The following MDM2 variants were observed in gnomAD, a reference collection of about 807,000 sequenced individuals.
MDM2 encodes E3 ubiquitin-protein ligase Mdm2.
A neutral mutation model predicts 64.3 loss-of-function variants in MDM2; 11 were observed. That is an observed-to-expected ratio of 0.17 (90% CI 0.11 to 0.28). MDM2 has a LOEUF of 0.28. Ranked by LOEUF, MDM2 falls within the 10% of genes least tolerant of loss-of-function variation. The pLI, the probability that MDM2 is intolerant of heterozygous loss-of-function variation, is 1.00. For synonymous variants in MDM2, 194 were observed against 192.9 expected (o/e 1.01, Z -0.05); for missense variants, 388 against 577.1 (o/e 0.67, Z 3.36).
Position 68,844,338 on chromosome 12 carries a change from T to C in MDM2, c.*4489T>C, listed in dbSNP as rs1212047195. The C allele has an allele frequency of 4.5e-6, 1 of 223,770 alleles. No homozygotes were observed. Among genetic ancestry groups the C allele is most frequent in the Non-Finnish European group, 8.9e-6 (1 of 112,192 alleles). 13.9% of individuals were successfully genotyped at this position (223,770 alleles called of 1,614,324 possible). A position where few individuals can be genotyped will look rare whatever the true frequency, so the allele number is the denominator to read the frequency against. ...CCCACTTTAGAAATACAAATATCAC[T>C]GGGCAGCTTGAAGCAGTTGGGAGCC... is the stretch of plus-strand genomic sequence containing the variant. On this transcript the variant is annotated 3_prime_UTR_variant, in exon 11 of 11. Coordinates refer to ENST00000258149, the MANE Select transcript of MDM2 (RefSeq NM_002392.6).
chr12:68,821,883 G>A (rs560630571), intron 5 of MDM2, among the ~76,000 whole-genome samples: 13 of 152,040 alleles, frequency 8.6e-5, no homozygotes, highest in Middle Eastern at 6.8e-3. Context: ...TTTGAGATGG[G>A]CTCTCACTCT....
intron 3 of MDM2, among the ~76,000 whole-genome samples, chr12:68,815,253 C>T (rs1367902358): frequency 1.3e-5 from 2 of 152,034 alleles, no homozygotes; most frequent in African/African-American, 2.4e-5. Context: ...TGGCCAAGGC[C>T]ATCATAAAGA....
At chr12:68,827,897 G>C (rs948628246) in intron 7 of MDM2, among the ~76,000 whole-genome samples, 5 of 152,218 alleles carry the variant, frequency 3.3e-5, no homozygotes, top group African/African-American at 1.2e-4. Flanking sequence ...TTGGGAGGCT[G>C]AGGCAGGAGG....
rs1880635622 is a variant in MDM2, at chr12:68,809,197, T to C, written c.15-11T>C. 18 of 1,610,214 alleles carry C rather than the reference T, an allele frequency of 1.1e-5. No homozygotes were observed. Among genetic ancestry groups the C allele is most frequent in the Non-Finnish European group, 1.4e-5 (17 of 1,178,722 alleles). On this transcript the variant is annotated splice_polypyrimidine_tract_variant and intron_variant, in intron 1 of 10. Transcript: ENST00000258149. The stretch of plus-strand genomic sequence containing the variant: ...TTTCCAGTTTTCATCGTGTCTTTTT[T>C]TTCCTTGTAGGCAAATGTGCAATAC...
In MDM2 at chr12:68,824,569, G is replaced by A; in HGVS notation, c.441G>A (p.Glu147=). The change falls in exon 7 of 11, where the codon GAG becomes GAA. Residue 147 remains glutamate (E), a synonymous_variant. Transcript: ENST00000258149. ...TAAATGCTTAGGACCTTGTACAAGA[G>A]CTTCAGGAAGAGAAACCTTCATCTT... is the stretch of plus-strand genomic sequence containing the variant. ...GGSDQKDLVQ[E]LQEEKPSSSH... is the part of the protein sequence containing the mutation. 1 of 1,613,398 alleles carries A rather than the reference G, an allele frequency of 6.2e-7. No individual in the cohort carries two copies. Among genetic ancestry groups the A allele is most frequent in the Non-Finnish European group, 8.5e-7 (1 of 1,179,800 alleles).
chr12:68,824,072 C>A, intron 5 of MDM2: 1 of 324,028 alleles, frequency 3.1e-6, no homozygotes, highest in Non-Finnish European at 5.6e-6. Context: ...CTTTGTTTCT[C>A]AGACACTCCC....
In MDM2 at chr12:68,842,144, T is replaced by G. The variant is rs1284378826; in HGVS notation, c.*2295T>G. On this transcript the variant is annotated 3_prime_UTR_variant, in exon 11 of 11. Coordinates refer to ENST00000258149, the MANE Select transcript of MDM2 (RefSeq NM_002392.6). ...AATTTGAAAAATATAGTAACAAGCC[T>G]GTCAAATATCTGCAAGAACTATGGA... 4 of 461,994 alleles carry G rather than the reference T, an allele frequency of 8.7e-6. No homozygotes were observed. The highest frequency in any genetic ancestry group is 1.7e-5 in the Non-Finnish European group (4 of 237,872). 28.6% of individuals were successfully genotyped at this position (461,994 alleles called of 1,614,324 possible). A position where few individuals can be genotyped will look rare whatever the true frequency, so the allele number is the denominator to read the frequency against.
intron 10 of MDM2, among the ~76,000 whole-genome samples, chr12:68,838,972 TAGTG>T (rs769663056): frequency 3.9e-5 from 6 of 152,174 alleles, no homozygotes; most frequent in Non-Finnish European, 7.3e-5. Flanking sequence ...CACATGTAAA[TAGTG>T]AAATGATCAC....
downstream of MDM2, chr12:68,847,232 CCTG>C (rs1884381687): frequency 1.4e-5 from 1 of 72,334 alleles, no homozygotes; most frequent in Non-Finnish European, 2.9e-5. Flanking sequence ...GAGGCAGAGT[CCTG>C]CTATGTTGCC....
Position 68,809,238 on chromosome 12 carries a change from T to C in MDM2, c.45T>C (p.Pro15=), listed in dbSNP as rs1880641896. ...RQMCNTNMSV[P]TDGAVTTSQI... is the part of the protein sequence containing the mutation. Reference sequence around the variant, plus strand: ...TGTGCAATACCAACATGTCTGTACCTACTGATGGTGCTGTAACCACCTCAC... The same window carrying C: ...TGTGCAATACCAACATGTCTGTACCCACTGATGGTGCTGTAACCACCTCAC... Residue 15 remains proline, a synonymous_variant, in exon 2 of 11, where the codon CCT becomes CCC. Transcript: ENST00000258149. 1.7e-5 allele frequency: 28 copies of C among 1,614,108 alleles called. No homozygotes were observed. Among genetic ancestry groups the C allele is most frequent in the Non-Finnish European group, 2.4e-5 (28 of 1,180,046 alleles).
Position 68,842,035 on chromosome 12 carries a change from T to C in MDM2, c.*2186T>C. The C allele has an allele frequency of 2.5e-6, 1 of 407,104 alleles. No homozygotes were observed. Among genetic ancestry groups the C allele is most frequent in the Non-Finnish European group, 4.7e-6 (1 of 212,082 alleles). The allele number at this position is 407,104 out of a possible 1,614,324, so 25.2% of individuals were successfully genotyped here. On this transcript the variant is annotated 3_prime_UTR_variant, in exon 11 of 11. Coordinates refer to ENST00000258149, the MANE Select transcript of MDM2 (RefSeq NM_002392.6). ...ATAAACATAAATGTCACAAAAACTT[T>C]AAAAGAAGTGCAATTCTCAAAAGGT... is the stretch of plus-strand genomic sequence containing the variant.
In MDM2 at chr12:68,845,454, CTT is replaced by C. The variant is rs1433840420; in HGVS notation, c.*5606_*5607del. On this transcript the variant is annotated 3_prime_UTR_variant, in exon 11 of 11. Coordinates refer to ENST00000258149, the MANE Select transcript of MDM2 (RefSeq NM_002392.6). ...AGCAGATGGGAGGCGTGTTCAGTAACTTATTCATAATGCATCTGAAATGATTG... is the reference window on the plus strand; with the variant it reads ...AGCAGATGGGAGGCGTGTTCAGTAACATTCATAATGCATCTGAAATGATTG... 2 of 207,722 alleles carry C rather than the reference CTT, an allele frequency of 9.6e-6. No homozygotes were observed. The highest frequency in any genetic ancestry group is 1.2e-4 in the Admixed American group (2 of 16,824). The allele number at this position is 207,722 out of a possible 1,614,324, so 12.9% of individuals were successfully genotyped here. A position where few individuals can be genotyped will look rare whatever the true frequency, so the allele number is the denominator to read the frequency against.
chr12:68,824,133 A>G (rs1477507632), intron 5 of MDM2: 2 of 395,176 alleles, frequency 5.1e-6, no homozygotes, highest in African/African-American at 4.7e-5. Flanking sequence ...TTTATCTAAC[A>G]GTCTTTTAAT....
chr12:68,826,097 G>C (rs1193199144), intron 7 of MDM2, among the ~76,000 whole-genome samples: 3 of 152,146 alleles, frequency 2.0e-5, no homozygotes, highest in Non-Finnish European at 4.4e-5. Context: ...AAAAAGGGCA[G>C]ACAGTTCACA....
intron 8 of MDM2, among the ~76,000 whole-genome samples, chr12:68,833,334 AAT>A (rs1292389255): frequency 9.1e-5 from 5 of 54,646 alleles, no homozygotes; most frequent in Non-Finnish European, 1.8e-4. Flanking sequence ...TAAATATAAA[AAT>A]ATATATTTAT....
intron 5 of MDM2, chr12:68,824,124 TTATC>T: frequency 2.3e-6 from 1 of 444,436 alleles, no homozygotes; most frequent in Non-Finnish European, 3.9e-6. Context: ...CTCTGCTAAT[TTATC>T]TAACAGTCTT....
intron 3 of MDM2, 99 bp downstream of exon 3, chr12:68,813,727 T>C: frequency 1.9e-5 from 14 of 724,136 alleles, no homozygotes; most frequent in Non-Finnish European, 3.0e-5. Flanking sequence ...ATAGAAGGAT[T>C]TTTCATTAAG....
At chr12:68,836,514 AT>A (rs560347295) in intron 9 of MDM2, 157 bp from the exon 10 acceptor site, 41 of 555,894 alleles carry the variant, frequency 7.4e-5, no homozygotes, top group African/African-American at 3.0e-4. Context: ...TCTCTCCTCC[AT>A]TTTTTCCCCC....
At chr12:68,824,807 C>G in intron 7 of MDM2, 156 bp downstream of exon 7, 1 of 605,928 alleles carries the variant, frequency 1.7e-6, no homozygotes, top group South Asian at 2.1e-5. Flanking sequence ...ATTTGATTTA[C>G]AAATTGCTTA....
Sources: gnomAD v4.1 joint callset for allele counts (sites outside exome capture counted in the v4.1 genomes callset) on GRCh38, gnomAD v4.1.1 for gene constraint, MANE v1.5 for transcripts, NCBI Gene and HGNC (gene_info 2026-07-23, HGNC 2026-07-21) for gene names.